MTMR9: variants seen among roughly 807,000 people sequenced by gnomAD.
The protein encoded by MTMR9 is myotubularin related protein 9.
MTMR9 carries 39 observed loss-of-function variants against 69.5 expected under a neutral mutation model. The ratio of observed to expected loss-of-function variants is 0.56; its 90% CI spans 0.43 to 0.73. The LOEUF (loss-of-function observed/expected upper bound fraction) is 0.73. Among genes scored for constraint, MTMR9 ranks in the 30% least tolerant of loss-of-function variants. The pLI, the probability that MTMR9 is intolerant of heterozygous loss-of-function variation, is 0.00. For synonymous variants in MTMR9, 354 were observed against 240.8 expected (o/e 1.47, Z -4.35); for missense variants, 900 against 671.2 (o/e 1.34, Z -3.77).
rs1298931977 is a variant in MTMR9, at chr8:11,306,277, G to A, written c.679G>A (p.Ala227Thr). 6.2e-7 allele frequency: 1 copy of A among 1,613,948 alleles called. No individual in the cohort carries two copies. The highest frequency in any genetic ancestry group is 1.3e-5 in the African/African-American group (1 of 74,922). The change falls in exon 5 of 10, where the codon GCT becomes ACT. Residue 227 changes from alanine to threonine, a missense_variant. Coordinates refer to ENST00000221086, the MANE Select transcript of MTMR9 (RefSeq NM_015458.4). ...GAAGCTGATAAATGCTACCCTCAGG[G>A]CTGGAAAGCGTGGCTACATCATTGA... ...DEKLINATLR[A>T]GKRGYIIDTR...
chr8:11,299,572 C>T (rs929599446), intron 2 of MTMR9, among the ~76,000 whole-genome samples: 1 of 152,170 alleles, frequency 6.6e-6, no homozygotes, highest in African/African-American at 2.4e-5. Context: ...GCTGTATCAT[C>T]CTTTTTTACA....
intron 1 of MTMR9, among the ~76,000 whole-genome samples, chr8:11,288,905 G>A (rs1799283987): frequency 6.6e-6 from 1 of 152,216 alleles, no homozygotes; most frequent in African/African-American, 2.4e-5. Context: ...GGGCACGGTG[G>A]CTCACGCCTG....
At chr8:11,328,232 C>A (rs1192057885), downstream of MTMR9, 4 of 151,790 alleles carry the variant, frequency 2.6e-5, no homozygotes, top group Admixed American at 2.6e-4. Flanking sequence ...TTTTACCTTA[C>A]ATTTTGAAAA....
chr8:11,303,247 G>A (rs1799815567), intron 3 of MTMR9, among the ~76,000 whole-genome samples: 1 of 150,190 alleles, frequency 6.7e-6, no homozygotes, highest in Admixed American at 6.7e-5. Context: ...AAGTGCGACG[G>A]GATGGAGAGC....
downstream of MTMR9, among the ~76,000 whole-genome samples, chr8:11,329,829 G>A (rs1585147648): frequency 2.0e-5 from 3 of 151,970 alleles, no homozygotes; most frequent in East Asian, 3.9e-4. Flanking sequence ...GGGAAGTGAG[G>A]AGCGCCTCTT....
intron 9 of MTMR9, among the ~76,000 whole-genome samples, chr8:11,321,947 C>A (rs1219022424): frequency 2.0e-5 from 3 of 152,180 alleles, no homozygotes; most frequent in Non-Finnish European, 4.4e-5. Context: ...TTCGTGCCTC[C>A]TGACTTGAGT....
intron 1 of MTMR9, among the ~76,000 whole-genome samples, chr8:11,291,500 T>A (rs191918958): frequency 1.7e-4 from 26 of 152,254 alleles, no homozygotes; most frequent in Admixed American, 3.3e-4. Flanking sequence ...TTGATGTGAA[T>A]CATAGGAGTT....
downstream of MTMR9, chr8:11,331,475 G>T (rs144063054): frequency 9.3e-6 from 15 of 1,613,978 alleles, no homozygotes; most frequent in Admixed American, 1.7e-5. Context: ...GTGCAGTTCA[G>T]GTGGTGCCCG....
At chr8:11,335,590 GC>G in the MTMR9 span, among the ~76,000 whole-genome samples, 1 of 152,080 alleles carries the variant, frequency 6.6e-6, no homozygotes, top group Non-Finnish European at 1.5e-5. Flanking sequence ...ACCCATAATA[GC>G]CAACACAATA....
chr8:11,320,036 C>A, intron 9 of MTMR9, 198 bp downstream of exon 9: 2 of 504,144 alleles, frequency 4.0e-6, no homozygotes, highest in Non-Finnish European at 6.9e-6. Context: ...TTTTCAGTTA[C>A]CATTGAGAAA....
At chr8:11,303,064 C>G (rs551469949) in intron 3 of MTMR9, among the ~76,000 whole-genome samples, 1 of 151,028 alleles carries the variant, frequency 6.6e-6, no homozygotes, top group Non-Finnish European at 1.5e-5. Flanking sequence ...TCAATACAAT[C>G]TTAATAAAAA....
chr8:11,292,990 C>A (rs1489995165), intron 1 of MTMR9, among the ~76,000 whole-genome samples: 1 of 152,172 alleles, frequency 6.6e-6, no homozygotes, highest in Non-Finnish European at 1.5e-5. Flanking sequence ...TTAGAGTATA[C>A]TGCTTATACT....
intron 6 of MTMR9, among the ~76,000 whole-genome samples, chr8:11,311,942 A>T (rs941360123): frequency 2.0e-5 from 3 of 148,324 alleles, no homozygotes; most frequent in African/African-American, 7.4e-5. Context: ...AGTAGATTCT[A>T]TCTCAGGATA....
chr8:11,316,477 AGT>A (rs1321634414), intron 7 of MTMR9, 194 bp from the exon 8 acceptor site: 1 of 429,092 alleles, frequency 2.3e-6, no homozygotes, highest in Non-Finnish European at 4.1e-6. Context: ...AGGATTTGGA[AGT>A]GTGTCTTTTT....
chr8:11,322,719 A>C lies in MTMR9; in HGVS notation c.1581A>C (p.Ala527=). 3 of 1,614,176 alleles carry C rather than the reference A, an allele frequency of 1.9e-6. No individual in the cohort carries two copies. The highest frequency in any genetic ancestry group is 2.5e-6 in the Non-Finnish European group (3 of 1,179,998). ...NIIEYNKELQ[A]KVNILRRQLA... is the part of the protein sequence containing the mutation. ...TTGAATATAATAAAGAATTACAAGC[A>C]AAAGTCAATATCCTTCGAAGGCAGT... Residue 527 remains alanine (A), a synonymous_variant, in exon 10 of 10, where the codon GCA becomes GCC. Coordinates refer to ENST00000221086, the MANE Select transcript of MTMR9 (RefSeq NM_015458.4).
intron 2 of MTMR9, among the ~76,000 whole-genome samples, chr8:11,297,572 C>T (rs1290856788): frequency 6.6e-6 from 1 of 151,294 alleles, no homozygotes; most frequent in Non-Finnish European, 1.5e-5. Flanking sequence ...TTTCACTGAC[C>T]AGTCTTCGTT....
chr8:11,322,930 A>T lies in MTMR9; in HGVS notation c.*142A>T. 6.7e-6 allele frequency: 4 copies of T among 599,828 alleles called. No individual in the cohort carries two copies. In the South Asian group the frequency reaches 9.4e-5, roughly 14 times the overall value. 37.2% of individuals were successfully genotyped at this position (599,828 alleles called of 1,614,324 possible). ...ACCCCCCTAATGTAATGGATTTCTC[A>T]ATACTGTATGAATAATGAAACTTAC... On this transcript the variant is annotated 3_prime_UTR_variant, in exon 10 of 10. Coordinates refer to ENST00000221086, the MANE Select transcript of MTMR9 (RefSeq NM_015458.4).
At position 11,300,143 on chromosome 8, in the gene MTMR9, T is replaced by C. The variant is rs554732474; in HGVS notation, c.412T>C (p.Ser138Pro). 1.9e-6 allele frequency: 3 copies of C among 1,612,964 alleles called. No homozygotes were observed. The East Asian group carries it at 6.7e-5, about 36-fold the overall frequency. ...LPEQEFELYS[S>P]ATSEWRLSYV... is the part of the protein sequence containing the mutation. The stretch of plus-strand genomic sequence containing the variant: ...TGAGCAAGAATTTGAACTCTATTCT[T>C]CAGCTGTGAGTTAACTTTTGAGAAC... Residue 138 changes from serine (S) to proline (P), a missense_variant, in exon 3 of 10, where the codon TCA becomes CCA. Physicochemically the swap from Ser to Pro is moderately conservative, Grantham distance 74. Transcript: ENST00000221086.
chr8:11,306,373 C>A lies in MTMR9; in HGVS notation c.775C>A (p.Pro259Thr), dbSNP rs1453600103. The change falls in exon 5 of 10, where the codon CCT (proline) becomes ACT (threonine). Residue 259 changes from proline (P) to threonine (T), a missense_variant. Pro to Thr is a conservative substitution (Grantham distance 38). Coordinates refer to ENST00000221086, the MANE Select transcript of MTMR9 (RefSeq NM_015458.4). ...TGGCTTTGAACAAGAAGCTCATTAT[C>A]CTCAGTGGAGGCGAATTCATAAGTC... is the stretch of plus-strand genomic sequence containing the variant. ...GGGFEQEAHY[P>T]QWRRIHKSIE... 9.3e-6 allele frequency: 15 copies of A among 1,614,008 alleles called. No individual in the cohort carries two copies. Among genetic ancestry groups the A allele is most frequent in the Non-Finnish European group, 1.2e-5 (14 of 1,179,934 alleles).
Sources: gnomAD v4.1 joint callset for allele counts (sites outside exome capture counted in the v4.1 genomes callset) on GRCh38, gnomAD v4.1.1 for gene constraint, MANE v1.5 for transcripts, NCBI Gene and HGNC (gene_info 2026-07-23, HGNC 2026-07-21) for gene names.